The following ARHGAP21 variants were observed in gnomAD, a reference collection of about 807,000 sequenced individuals.
ARHGAP21 encodes the protein rho GTPase-activating protein 21.
Under a neutral mutation model 164.6 loss-of-function variants are expected in ARHGAP21, and 38 were observed. The observed-to-expected ratio is 0.23, with a 90% CI of 0.18 to 0.30. The LOEUF is 0.30. Ranked by LOEUF, ARHGAP21 falls within the 10% of genes least tolerant of loss-of-function variation. ARHGAP21 has a pLI of 1.00. For missense variants in ARHGAP21, 1,822 were observed against 2,370.7 expected (o/e 0.77, Z 4.81); for synonymous variants, 766 against 857.9 (o/e 0.89, Z 1.87).
At chr10:24,602,186 CTTTATTTAA>C in intron 12 of ARHGAP21, 83 bp from the exon 13 acceptor site, 1 of 1,474,590 alleles carries the variant, frequency 6.8e-7, no homozygotes, top group Non-Finnish European at 9.1e-7. Flanking sequence ...TTGTGGAAAA[CTTTATTTAA>C]TGTTTCAAGT....
chr10:24,592,014 TGAAA>T lies in ARHGAP21; in HGVS notation c.3877-6_3877-3del. 1 of 1,591,482 alleles carries T rather than the reference TGAAA, an allele frequency of 6.3e-7. No individual in the cohort carries two copies. Among genetic ancestry groups the T allele is most frequent in the Non-Finnish European group, 8.5e-7 (1 of 1,170,276 alleles). ...TATTGCTAGGTTTCTTGGTTCCATC[TGAAA>T]GAAAGGATGATACTGGGAAATACCA... is the stretch of plus-strand genomic sequence containing the variant. On this transcript the variant is annotated splice_polypyrimidine_tract_variant and splice_region_variant and intron_variant, in intron 21 of 25. Transcript: ENST00000396432.
chr10:24,670,196 T>C (rs1480283626), intron 3 of ARHGAP21, 22 bp downstream of exon 3: 2 of 1,508,970 alleles, frequency 1.3e-6, no homozygotes, highest in African/African-American at 2.8e-5. Context: ...TTTTTTCAAG[T>C]TGCGGTAACT....
chr10:24,591,017 T>G (rs891613996), intron 24 of ARHGAP21: 9 of 700,058 alleles, frequency 1.3e-5, no homozygotes, highest in Non-Finnish European at 1.6e-5. Context: ...TGACAAACAT[T>G]ACAACTGCAT....
Position 24,594,337 on chromosome 10 carries a change from C to G in ARHGAP21, c.3876+613G>C, listed in dbSNP as rs530498840. On this transcript the variant is annotated intron_variant, in intron 21 of 25. Coordinates refer to ENST00000396432, the MANE Select transcript of ARHGAP21 (RefSeq NM_020824.4). ...TTAAGCAAATAACCCTACAAAGACA[C>G]TTTTACAATCAAGAAAAACTGAATG... Among the ~76,000 whole-genome samples, 15 of 152,264 alleles carry G rather than the reference C, an allele frequency of 9.9e-5. 1 individual carries two copies. The South Asian group carries it at 2.9e-3, about 29-fold the overall frequency.
intron 5 of ARHGAP21, among the ~76,000 whole-genome samples, chr10:24,633,729 C>G (rs1410822924): frequency 6.6e-6 from 1 of 151,864 alleles, no homozygotes. Flanking sequence ...GTGAAACTAG[C>G]CATGTTCTAA....
chr10:24,652,721 T>C (rs982070373), intron 4 of ARHGAP21, among the ~76,000 whole-genome samples: 2 of 152,210 alleles, frequency 1.3e-5, no homozygotes, highest in Non-Finnish European at 1.5e-5. Context: ...TCCACACCAC[T>C]GTACATCCAC....
At chr10:24,615,180 A>G (rs2077425918) in intron 9 of ARHGAP21, among the ~76,000 whole-genome samples, 1 of 152,204 alleles carries the variant, frequency 6.6e-6, no homozygotes, top group African/African-American at 2.4e-5. Flanking sequence ...ACGAAAGTGA[A>G]ATTCCGTCTC....
chr10:24,626,380 G>T (rs1020077006), intron 7 of ARHGAP21, among the ~76,000 whole-genome samples: 1 of 152,128 alleles, frequency 6.6e-6, no homozygotes, highest in Non-Finnish European at 1.5e-5. Flanking sequence ...GGGGCCTCTG[G>T]GAGATGATTA....
At chr10:24,641,780 G>C (rs570765441) in intron 4 of ARHGAP21, among the ~76,000 whole-genome samples, 1 of 152,042 alleles carries the variant, frequency 6.6e-6, no homozygotes, top group Non-Finnish European at 1.5e-5. Context: ...TGGATCACGA[G>C]GTCAGGAGTT....
At chr10:24,661,602 T>C (rs1165646231) in intron 4 of ARHGAP21, among the ~76,000 whole-genome samples, 1 of 152,232 alleles carries the variant, frequency 6.6e-6, no homozygotes, top group Non-Finnish European at 1.5e-5. Flanking sequence ...TTCTCTCCAG[T>C]GATTCTAGGC....
At chr10:24,684,692 G>A (rs1842061840) in intron 2 of ARHGAP21, among the ~76,000 whole-genome samples, 1 of 152,164 alleles carries the variant, frequency 6.6e-6, no homozygotes, top group Admixed American at 6.5e-5. Flanking sequence ...AGGCTGGAAT[G>A]CAGTGGCGTG....
intron 4 of ARHGAP21, among the ~76,000 whole-genome samples, chr10:24,654,550 T>C (rs974297301): frequency 6.6e-6 from 1 of 152,086 alleles, no homozygotes; most frequent in African/African-American, 2.4e-5. Flanking sequence ...TACCTGGGAA[T>C]CCAACTTACA....
At chr10:24,617,271 C>T (rs978324046) in intron 9 of ARHGAP21, among the ~76,000 whole-genome samples, 2 of 151,996 alleles carry the variant, frequency 1.3e-5, no homozygotes, top group Admixed American at 1.3e-4. Flanking sequence ...GAAATATTAA[C>T]AGATATATCC....
intron 4 of ARHGAP21, among the ~76,000 whole-genome samples, chr10:24,663,868 G>A (rs1041159605): frequency 6.6e-6 from 1 of 152,108 alleles, no homozygotes; most frequent in African/African-American, 2.4e-5. Context: ...CCTGTGCACT[G>A]TTTCAACAGC....
At chr10:24,678,356 G>C (rs902791744) in intron 2 of ARHGAP21, among the ~76,000 whole-genome samples, 1 of 152,128 alleles carries the variant, frequency 6.6e-6, no homozygotes, top group Non-Finnish European at 1.5e-5. Context: ...AGATACAGAA[G>C]TGTCGCATCC....
chr10:24,639,483 C>G (rs1193819152), intron 4 of ARHGAP21, among the ~76,000 whole-genome samples: 1 of 151,982 alleles, frequency 6.6e-6, no homozygotes, highest in Non-Finnish European at 1.5e-5. Context: ...TATGATAGAC[C>G]TGATTATAAA....
intron 4 of ARHGAP21, among the ~76,000 whole-genome samples, chr10:24,664,577 A>C (rs960755415): frequency 2.6e-5 from 4 of 151,214 alleles, no homozygotes; most frequent in Non-Finnish European, 5.9e-5. Flanking sequence ...TAATAATAAT[A>C]ATAATAATAA....
At chr10:24,657,082 C>A (rs1839096864) in intron 4 of ARHGAP21, among the ~76,000 whole-genome samples, 1 of 52,836 alleles carries the variant, frequency 1.9e-5, no homozygotes, top group Non-Finnish European at 3.8e-5. Context: ...GGGTGTCAGC[C>A]CCCCGCCCGG....
At chr10:24,695,207 C>A (rs569655516) in intron 2 of ARHGAP21, among the ~76,000 whole-genome samples, 1 of 152,016 alleles carries the variant, frequency 6.6e-6, no homozygotes, top group East Asian at 1.9e-4. Context: ...TTGCAATATT[C>A]ATGCTATGTG....
Sources: gnomAD v4.1 joint callset for allele counts (sites outside exome capture counted in the v4.1 genomes callset) on GRCh38, gnomAD v4.1.1 for gene constraint, MANE v1.5 for transcripts, NCBI Gene and HGNC (gene_info 2026-07-23, HGNC 2026-07-21) for gene names.